Variants in LRRC53 observed in about 807,000 individuals in gnomAD.
LRRC53 encodes leucine rich repeat containing 53, also known as leucine-rich repeat-containing protein 53.
LRRC53 carries 25 observed loss-of-function variants against 13.6 expected under a neutral mutation model. The observed-to-expected ratio is 1.83, with a 90% CI of 1.34 to 2.56. LRRC53 has a LOEUF of 2.56. Ranked by LOEUF, LRRC53 falls within the 30% of genes most tolerant of loss-of-function variation. The pLI is 0.00. For missense variants in LRRC53, 527 were observed against 275.8 expected (o/e 1.91, Z -6.45); for synonymous variants, 204 against 109.8 (o/e 1.86, Z -5.37).
chr1:74,527,236 G>C, the LRRC53 span, among the ~76,000 whole-genome samples: 1 of 152,202 alleles, frequency 6.6e-6, no homozygotes, highest in African/African-American at 2.4e-5. Context: ...TTGAGCAGTG[G>C]CTAAAGAAAT....
At chr1:74,475,026 G>A (rs1668120056) in intron 4 of LRRC53, among the ~76,000 whole-genome samples, 1 of 150,738 alleles carries the variant, frequency 6.6e-6, no homozygotes, top group Non-Finnish European at 1.5e-5. Flanking sequence ...TTTTAACATT[G>A]TTAGGTGTTG....
At chr1:74,512,257 T>C (rs534222482) in intron 1 of LRRC53, among the ~76,000 whole-genome samples, 66 of 152,274 alleles carry the variant, frequency 4.3e-4, no homozygotes, top group Middle Eastern at 6.8e-3. Context: ...GATAATATGG[T>C]AATCTAGATG....
At chr1:74,530,942 A>T in the LRRC53 span, among the ~76,000 whole-genome samples, 124 of 152,312 alleles carry the variant, frequency 8.1e-4, 3 homozygotes, top group Middle Eastern at 0.014. Flanking sequence ...TTTATGAGCC[A>T]TCAAGGAATT....
chr1:74,472,477 T>G (rs1021932082), intron 4 of LRRC53, among the ~76,000 whole-genome samples: 1 of 152,142 alleles, frequency 6.6e-6, no homozygotes, highest in Non-Finnish European at 1.5e-5. Context: ...TCATATATCT[T>G]TAGTTGTTGG....
rs116045702 is a variant in LRRC53 at position 74,482,908 on chromosome 1, T to G, written c.88+354A>C. 3.8e-3 allele frequency among the ~76,000 whole-genome samples: 586 copies of G among 152,346 alleles called. 2 individuals carry two copies. Among genetic ancestry groups the G allele is most frequent in the African/African-American group, 0.014 (565 of 41,572 alleles). On this transcript the variant is annotated intron_variant, in intron 2 of 4. Transcript: ENST00000294635. The stretch of plus-strand genomic sequence containing the variant: ...ATGCTGAACAATTGCAGTTCAGGTT[T>G]CTGATTCATTGATATTTCTTCCAGC...
chr1:74,523,514 A>T, the LRRC53 span, among the ~76,000 whole-genome samples: 1 of 61,562 alleles, frequency 1.6e-5, no homozygotes, highest in African/African-American at 4.2e-5. Flanking sequence ...GACTCACTTA[A>T]AAAAAAAGGC....
intron 1 of LRRC53, among the ~76,000 whole-genome samples, chr1:74,498,853 T>TA (rs201841000): frequency 0.011 from 1,614 of 152,238 alleles, 16 homozygotes; most frequent in Non-Finnish European, 0.014. Context: ...GTGTGTTTTT[T>TA]AAAAAAAATT....
At chr1:74,497,229 A>G (rs1669374838) in intron 1 of LRRC53, among the ~76,000 whole-genome samples, 1 of 152,106 alleles carries the variant, frequency 6.6e-6, no homozygotes, top group Non-Finnish European at 1.5e-5. Flanking sequence ...AAGAAGGGAG[A>G]GCAGCAAGGG....
chr1:74,523,188 C>T, the LRRC53 span, among the ~76,000 whole-genome samples: 58 of 152,274 alleles, frequency 3.8e-4, no homozygotes, highest in East Asian at 0.01. Flanking sequence ...AATACCGATA[C>T]CACACAGTTG....
the LRRC53 span, among the ~76,000 whole-genome samples, chr1:74,528,418 G>T: frequency 1.1e-4 from 17 of 152,152 alleles, no homozygotes; most frequent in South Asian, 4.1e-4. Flanking sequence ...GAACACATGA[G>T]AGTGAGGAAG....
At chr1:74,506,376 TA>T (rs1196172603) in intron 1 of LRRC53, among the ~76,000 whole-genome samples, 1 of 152,216 alleles carries the variant, frequency 6.6e-6, no homozygotes, top group Non-Finnish European at 1.5e-5. Flanking sequence ...CAAGGCTTTG[TA>T]ACTAGTAAAC....
Position 74,510,315 on chromosome 1 carries a change from G to A in LRRC53, c.-27+2211C>T, listed in dbSNP as rs1670121657. ...AGGTCAGGAGATCGAGACCATCCTG[G>A]CTAACATGGTGAAGCCCCGTCTCTA... On this transcript the variant is annotated intron_variant, in intron 1 of 4. Transcript: ENST00000294635. Among the ~76,000 whole-genome samples, 3 of 152,164 alleles carry A rather than the reference G, an allele frequency of 2.0e-5. No individual in the cohort carries two copies. The South Asian group carries it at 6.2e-4, about 32-fold the overall frequency.
In LRRC53 at chr1:74,480,687, C is replaced by T; in HGVS notation, c.370G>A (p.Gly124Arg). 1 of 717,346 alleles carries T rather than the reference C, an allele frequency of 1.4e-6. No homozygotes were observed. Among genetic ancestry groups the T allele is most frequent in the Admixed American group, 2.0e-5 (1 of 50,014 alleles). The allele number at this position is 717,346 out of a possible 1,614,324, so 44.4% of individuals were successfully genotyped here. The change falls in exon 3 of 5, where the codon GGG (glycine) becomes AGG (arginine). Residue 124 changes from glycine to arginine, a missense_variant. Coordinates refer to ENST00000294635, the MANE Select transcript of LRRC53 (RefSeq NM_001382280.1). ...CCGCTTGTGTTTCGGAACCAAGACC[C>T]TCGTAGGGTGCGGAGAGCATTATTG... Reference protein sequence around the residue: ...LSNNALRTLRGSWFRNTSGLT... With the variant: ...LSNNALRTLRRSWFRNTSGLT...
At chr1:74,528,858 G>A in the LRRC53 span, among the ~76,000 whole-genome samples, 1 of 152,156 alleles carries the variant, frequency 6.6e-6, no homozygotes, top group Admixed American at 6.5e-5. Flanking sequence ...AGGAAACAAG[G>A]CACTTGAAGA....
rs544049542 is a variant in LRRC53, at chr1:74,503,383, A to G, written c.-27+9143T>C. The stretch of plus-strand genomic sequence containing the variant: ...TCAAAGAATGCTGATTTGAAATATG[A>G]TATCTATAGAATTTACAAAAGACTG... On this transcript the variant is annotated intron_variant, in intron 1 of 4. Transcript: ENST00000294635. Among the ~76,000 whole-genome samples, 33 of 152,320 alleles carry G rather than the reference A, an allele frequency of 2.2e-4. No individual in the cohort carries two copies. The South Asian group carries it at 6.8e-3, about 32-fold the overall frequency.
the LRRC53 span, among the ~76,000 whole-genome samples, chr1:74,533,086 G>T: frequency 6.6e-6 from 1 of 152,162 alleles, no homozygotes; most frequent in East Asian, 1.9e-4. Flanking sequence ...AAACTAAAGA[G>T]CTTCTGCACA....
rs185857243 is a variant in LRRC53, at chr1:74,507,102, C to T, written c.-27+5424G>A. On this transcript the variant is annotated intron_variant, in intron 1 of 4. Coordinates refer to ENST00000294635, the MANE Select transcript of LRRC53 (RefSeq NM_001382280.1). ...TACAAATATTACATAGTGTGCTGAT[C>T]GCAAGATCCCTGTATTATTCATTAC... 3.4e-3 allele frequency among the ~76,000 whole-genome samples: 518 copies of T among 152,114 alleles called. 6 individuals are homozygous for T. Among genetic ancestry groups the T allele is most frequent in the Middle Eastern group, 0.014 (4 of 294 alleles).
At chr1:74,525,981 G>A in the LRRC53 span, among the ~76,000 whole-genome samples, 1 of 152,320 alleles carries the variant, frequency 6.6e-6, no homozygotes, top group East Asian at 1.9e-4. Flanking sequence ...CACAGAGGAG[G>A]AGAGGAAAGC....
At chr1:74,511,551 A>AC (rs1395913965) in intron 1 of LRRC53, among the ~76,000 whole-genome samples, 1 of 152,126 alleles carries the variant, frequency 6.6e-6, no homozygotes, top group Non-Finnish European at 1.5e-5. Flanking sequence ...ATCTAATTCC[A>AC]TTGGATATGC....
Sources: gnomAD v4.1 joint callset for allele counts (sites outside exome capture counted in the v4.1 genomes callset) on GRCh38, gnomAD v4.1.1 for gene constraint, MANE v1.5 for transcripts, NCBI Gene and HGNC (gene_info 2026-07-23, HGNC 2026-07-21) for gene names.